Variants in FSTL5 observed in about 807,000 individuals in gnomAD.
The protein encoded by FSTL5 is follistatin like 5, also known as follistatin-related protein 5.
Under a neutral mutation model 89.1 loss-of-function variants are expected in FSTL5, and 62 were observed. The ratio of observed to expected loss-of-function variants is 0.70; its 90% CI spans 0.57 to 0.86. The LOEUF (loss-of-function observed/expected upper bound fraction) is 0.86, where lower values mean the gene tolerates loss of function less well. FSTL5 is among the 40% of genes least tolerant of loss of function. The pLI, the probability that FSTL5 is intolerant of heterozygous loss-of-function variation, is 0.00. For missense variants in FSTL5, 1,057 were observed against 1,001.6 expected (o/e 1.06, Z -0.75); for synonymous variants, 383 against 346.2 (o/e 1.11, Z -1.18).
intron 2 of FSTL5, among the ~76,000 whole-genome samples, chr4:162,052,276 AAAC>A (rs890475531): frequency 1.9e-4 from 29 of 151,624 alleles, no homozygotes; most frequent in African/African-American, 6.8e-4. Flanking sequence ...GAAACAAAAC[AAAC>A]AACAACAAAA....
chr4:162,161,680 T>G (rs188717341), intron 1 of FSTL5, among the ~76,000 whole-genome samples: 132 of 152,052 alleles, frequency 8.7e-4, no homozygotes, highest in African/African-American at 3.1e-3. Flanking sequence ...TGGAAGTCAA[T>G]GACACACTTA....
chr4:161,555,002 C>T (rs2126562554), intron 8 of FSTL5, among the ~76,000 whole-genome samples: 1 of 151,750 alleles, frequency 6.6e-6, no homozygotes, highest in Non-Finnish European at 1.5e-5. Flanking sequence ...ATATTCATGA[C>T]TTTCACACTG....
chr4:161,760,669 T>C (rs907766957), intron 5 of FSTL5, among the ~76,000 whole-genome samples: 5 of 152,184 alleles, frequency 3.3e-5, no homozygotes, highest in African/African-American at 1.2e-4. Context: ...ACATAATGCA[T>C]TGCTTCTTTA....
chr4:161,963,944 C>G (rs965726885), intron 3 of FSTL5, among the ~76,000 whole-genome samples: 2 of 151,826 alleles, frequency 1.3e-5, no homozygotes, highest in African/African-American at 4.8e-5. Flanking sequence ...AGGAATATAT[C>G]TCCATGAATT....
intron 3 of FSTL5, among the ~76,000 whole-genome samples, chr4:161,947,889 T>C (rs770156982): frequency 2.0e-5 from 3 of 151,782 alleles, no homozygotes; most frequent in Non-Finnish European, 4.4e-5. Context: ...AGGCTTTCCA[T>C]AGAGAGACCT....
chr4:161,753,884 T>C (rs1246124397), intron 6 of FSTL5, among the ~76,000 whole-genome samples: 2 of 151,464 alleles, frequency 1.3e-5, no homozygotes, highest in South Asian at 2.1e-4. Context: ...CTACTAAAAA[T>C]GCAAAAAATT....
At chr4:162,058,050 G>A (rs548957549) in intron 2 of FSTL5, among the ~76,000 whole-genome samples, 3 of 152,098 alleles carry the variant, frequency 2.0e-5, no homozygotes, top group African/African-American at 4.8e-5. Context: ...AAAAGTAAAT[G>A]TTAGTATCTA....
chr4:162,092,657 A>G (rs1182070420), intron 2 of FSTL5, among the ~76,000 whole-genome samples: 1 of 152,080 alleles, frequency 6.6e-6, no homozygotes, highest in African/African-American at 2.4e-5. Context: ...ACGTAATTCA[A>G]AAGATAGCTG....
chr4:161,686,909 T>A (rs1199066970), intron 6 of FSTL5, among the ~76,000 whole-genome samples: 2 of 152,314 alleles, frequency 1.3e-5, no homozygotes, highest in East Asian at 3.9e-4. Context: ...AAATGTGACC[T>A]GTTAAAATGA....
In FSTL5 at chr4:161,941,665, T is replaced by C. The variant is rs139364816; in HGVS notation, c.161-21013A>G. ...ACTACATGAAGGGACCTTGGCAGCA[T>C]TGAAGACAGAAATTTGCAGTTCTAG... On this transcript the variant is annotated intron_variant, in intron 3 of 15. Coordinates refer to ENST00000306100, the MANE Select transcript of FSTL5 (RefSeq NM_020116.5). Among the ~76,000 whole-genome samples, 300 of 152,066 alleles carry C rather than the reference T, an allele frequency of 2.0e-3. 1 individual carries two copies. The highest frequency in any genetic ancestry group is 6.7e-3 in the African/African-American group (279 of 41,556).
chr4:161,457,695 G>T (rs1196435490), intron 14 of FSTL5, among the ~76,000 whole-genome samples: 2 of 151,820 alleles, frequency 1.3e-5, no homozygotes, highest in Non-Finnish European at 2.9e-5. Flanking sequence ...TAATCTTAAA[G>T]TTAATAGAGT....
intron 4 of FSTL5, among the ~76,000 whole-genome samples, chr4:161,901,539 T>C (rs1415313642): frequency 5.9e-5 from 9 of 152,156 alleles, no homozygotes; most frequent in Admixed American, 5.9e-4. Flanking sequence ...AAATTTACTT[T>C]TGGTGTTTTG....
intron 7 of FSTL5, among the ~76,000 whole-genome samples, chr4:161,590,681 A>G (rs1733783082): frequency 6.6e-6 from 1 of 152,366 alleles, no homozygotes; most frequent in Middle Eastern, 3.4e-3. Flanking sequence ...TATGCAAATA[A>G]AAACCTCAGT....
chr4:161,453,286 G>T (rs2126396948), intron 15 of FSTL5, among the ~76,000 whole-genome samples: 1 of 152,202 alleles, frequency 6.6e-6, no homozygotes, highest in Non-Finnish European at 1.5e-5. Context: ...ATAGGGAATA[G>T]GCAAGTGAGA....
chr4:161,538,357 C>A (rs570519065), intron 9 of FSTL5, 57 bp from the exon 10 acceptor site: 2 of 1,576,378 alleles, frequency 1.3e-6, no homozygotes, highest in African/African-American at 2.7e-5. Context: ...TGGAACAGTG[C>A]TTTCTGATTA....
At chr4:161,589,115 A>C (rs994222079) in intron 7 of FSTL5, among the ~76,000 whole-genome samples, 2 of 151,248 alleles carry the variant, frequency 1.3e-5, no homozygotes, top group Non-Finnish European at 2.9e-5. Context: ...CAGCCACCTG[A>C]GTAGCTGGGA....
chr4:161,491,443 C>T (rs1729869485), intron 12 of FSTL5, among the ~76,000 whole-genome samples: 1 of 151,718 alleles, frequency 6.6e-6, no homozygotes, highest in Non-Finnish European at 1.5e-5. Context: ...CATATAATCT[C>T]ATTCTCCTTT....
At chr4:161,672,990 T>C (rs966404583) in intron 6 of FSTL5, among the ~76,000 whole-genome samples, 2 of 151,992 alleles carry the variant, frequency 1.3e-5, no homozygotes, top group Non-Finnish European at 2.9e-5. Context: ...TACAGTACAA[T>C]TGGAAGATTT....
intron 6 of FSTL5, among the ~76,000 whole-genome samples, chr4:161,693,667 C>T (rs1738032433): frequency 1.8e-5 from 2 of 108,486 alleles, no homozygotes; most frequent in South Asian, 3.1e-4. Flanking sequence ...GAGACAGAGT[C>T]TCACTCTTTC....
Sources: allele counts gnomAD v4.1 joint callset (sites outside exome capture counted in the v4.1 genomes callset), GRCh38; gene constraint gnomAD v4.1.1; transcripts MANE v1.5; gene names NCBI Gene and HGNC (gene_info 2026-07-23, HGNC 2026-07-21).